The following TBCK variants were observed in gnomAD, a reference collection of about 807,000 sequenced individuals.
TBCK encodes the protein TBC domain-containing protein kinase-like protein.
A neutral mutation model predicts 113.4 loss-of-function variants in TBCK; 99 were observed. The ratio of observed to expected loss-of-function variants is 0.87; its 90% CI spans 0.74 to 1.03. The LOEUF (loss-of-function observed/expected upper bound fraction) is 1.03. Among genes scored for constraint, TBCK ranks in the 50% least tolerant of loss-of-function variants. The pLI, the probability that TBCK is intolerant of heterozygous loss-of-function variation, is 0.00. For synonymous variants in TBCK, 369 were observed against 370.8 expected (o/e 1.00, Z 0.05); for missense variants, 1,045 against 1,061.3 (o/e 0.98, Z 0.21).
chr4:106,255,964 C>A (rs984828922), intron 5 of TBCK, among the ~76,000 whole-genome samples: 11 of 152,152 alleles, frequency 7.2e-5, no homozygotes, highest in Non-Finnish European at 1.6e-4. Context: ...TAGCTTTTCC[C>A]CTCAGGTGGG....
At chr4:106,214,454 T>C (rs556061636) in intron 19 of TBCK, among the ~76,000 whole-genome samples, 2,068 of 150,954 alleles carry the variant, frequency 0.014, 54 homozygotes, top group African/African-American at 0.047. Flanking sequence ...GGCAAAGAAG[T>C]TGAAAACTTT....
intron 25 of TBCK, among the ~76,000 whole-genome samples, chr4:106,072,809 T>C (rs1336252427): frequency 6.6e-6 from 1 of 152,190 alleles, no homozygotes; most frequent in African/African-American, 2.4e-5. Context: ...TTATTCTTTT[T>C]TCTCTAAACT....
chr4:106,123,084 T>C (rs1744657716), intron 23 of TBCK, among the ~76,000 whole-genome samples: 1 of 152,206 alleles, frequency 6.6e-6, no homozygotes, highest in East Asian at 1.9e-4. Context: ...GGAAGTCACA[T>C]TGTCCCTGTT....
At chr4:106,148,488 C>T (rs569354039) in intron 23 of TBCK, among the ~76,000 whole-genome samples, 1 of 152,262 alleles carries the variant, frequency 6.6e-6, no homozygotes, top group South Asian at 2.1e-4. Context: ...GGCAGGTTCC[C>T]CAATATATTA....
At chr4:106,286,550 G>A (rs184993302) in intron 3 of TBCK, among the ~76,000 whole-genome samples, 3 of 152,262 alleles carry the variant, frequency 2.0e-5, no homozygotes, top group Admixed American at 2.0e-4. Flanking sequence ...GTTGGGGGAT[G>A]GTGGCTCATG....
At chr4:106,061,799 C>T (rs1736088526) in intron 25 of TBCK, among the ~76,000 whole-genome samples, 1 of 151,708 alleles carries the variant, frequency 6.6e-6, no homozygotes, top group African/African-American at 2.4e-5. Flanking sequence ...ATTTACAACA[C>T]TTTGCAAACG....
rs187092355 is a variant in TBCK at position 106,101,705 on chromosome 4, G to A, written c.2412-6064C>T. On this transcript the variant is annotated intron_variant, in intron 24 of 25. Transcript: ENST00000394708. Reference sequence around the variant, plus strand: ...AGTTTTACAAGTAAAGCTCAGCCTTGAGCAAAAACTCAGCCTTGATTTCAA... The same window carrying A: ...AGTTTTACAAGTAAAGCTCAGCCTTAAGCAAAAACTCAGCCTTGATTTCAA... Among the ~76,000 whole-genome samples, 359 of 152,208 alleles carry A rather than the reference G, an allele frequency of 2.4e-3. 1 individual carries two copies. Among genetic ancestry groups the A allele is most frequent in the African/African-American group, 8.4e-3 (349 of 41,538 alleles).
At chr4:106,126,980 C>T (rs149857876) in intron 23 of TBCK, among the ~76,000 whole-genome samples, 1,783 of 151,744 alleles carry the variant, frequency 0.012, 30 homozygotes, top group African/African-American at 0.04. Flanking sequence ...GAGGCCGAGG[C>T]GGGCAGATCA....
rs564414410 is a variant in TBCK, at chr4:106,209,751, C to T, written c.1860+2999G>A. 3.3e-5 allele frequency among the ~76,000 whole-genome samples: 5 copies of T among 152,178 alleles called. No homozygotes were observed. In the South Asian group the frequency reaches 1.0e-3, roughly 32 times the overall value. ...ATTTTACTAGCTTCTATTAATATCA[C>T]TAATGTTGTTCTGGTTAATTGCCTG... is the stretch of plus-strand genomic sequence containing the variant. On this transcript the variant is annotated intron_variant, in intron 20 of 25. Transcript: ENST00000394708.
rs1270303421 is a variant in TBCK at position 106,250,411 on chromosome 4, C to G, written c.658+7G>C. The G allele has an allele frequency of 6.5e-7, 1 of 1,543,924 alleles. No individual in the cohort carries two copies. Among genetic ancestry groups the G allele is most frequent in the East Asian group, 2.3e-5 (1 of 44,004 alleles). Reference sequence around the variant, plus strand: ...ATTTGAAAGATAAGCAATTGTACGACACTTACCCAAAGTAAGCAAAAATTT... The same window carrying G: ...ATTTGAAAGATAAGCAATTGTACGAGACTTACCCAAAGTAAGCAAAAATTT... On this transcript the variant is annotated splice_region_variant and intron_variant, in intron 7 of 25. Transcript: ENST00000394708.
At chr4:106,097,751 A>C (rs1426847864) in intron 24 of TBCK, among the ~76,000 whole-genome samples, 1 of 152,100 alleles carries the variant, frequency 6.6e-6, no homozygotes, top group Non-Finnish European at 1.5e-5. Flanking sequence ...TTATATTGTA[A>C]ATCTAGGTAG....
chr4:106,138,639 G>C lies in TBCK; in HGVS notation c.2236-22261C>G, dbSNP rs1746837148. On this transcript the variant is annotated intron_variant, in intron 23 of 25. Coordinates refer to ENST00000394708, the MANE Select transcript of TBCK (RefSeq NM_001163435.3). Reference sequence around the variant, plus strand: ...CACTGACTTATAAGGCAAAAACAGGGTCAAAGTGGCAATGTAGGGTGGTGT... The same window carrying C: ...CACTGACTTATAAGGCAAAAACAGGCTCAAAGTGGCAATGTAGGGTGGTGT... 1.4e-5 allele frequency among the ~76,000 whole-genome samples: 2 copies of C among 141,188 alleles called. 1 individual carries two copies. Among genetic ancestry groups the C allele is most frequent in the Admixed American group, 1.4e-4 (2 of 14,302 alleles). 92.6% of individuals were successfully genotyped at this position (141,188 alleles called of 152,430 possible).
chr4:106,216,659 T>G (rs1015765818), intron 19 of TBCK, among the ~76,000 whole-genome samples: 1 of 152,152 alleles, frequency 6.6e-6, no homozygotes, highest in African/African-American at 2.4e-5. Flanking sequence ...CTCCCAAGAC[T>G]AAACCAGGAA....
intron 22 of TBCK, among the ~76,000 whole-genome samples, chr4:106,175,571 T>C (rs1481092225): frequency 6.6e-6 from 1 of 152,072 alleles, no homozygotes. Context: ...TGTATAACTA[T>C]ATACATTCAC....
chr4:106,255,647 G>T (rs1248422044), intron 5 of TBCK, among the ~76,000 whole-genome samples: 1 of 151,672 alleles, frequency 6.6e-6, no homozygotes, highest in African/African-American at 2.4e-5. Flanking sequence ...CTAGGTCTGG[G>T]CTCCCCAAAG....
intron 19 of TBCK, among the ~76,000 whole-genome samples, chr4:106,225,163 TTTC>T (rs1209942823): frequency 3.3e-5 from 5 of 152,188 alleles, no homozygotes; most frequent in African/African-American, 1.2e-4. Context: ...AACTGTTTTT[TTTC>T]TTATGTAACA....
At chr4:106,256,753 C>T (rs1442962188) in intron 5 of TBCK, among the ~76,000 whole-genome samples, 4 of 152,160 alleles carry the variant, frequency 2.6e-5, no homozygotes, top group African/African-American at 7.2e-5. Context: ...ACACTGCAGC[C>T]GGCATCATGG....
intron 23 of TBCK, among the ~76,000 whole-genome samples, chr4:106,162,689 T>C (rs902121366): frequency 6.6e-6 from 1 of 152,160 alleles, no homozygotes. Context: ...TTTACACCCT[T>C]AGAAGCAAGG....
rs535355434 is a variant in TBCK, at chr4:106,069,659, T to C, written c.2572-22979A>G. On this transcript the variant is annotated intron_variant, in intron 25 of 25. Coordinates refer to ENST00000394708, the MANE Select transcript of TBCK (RefSeq NM_001163435.3). ...TTTTGGTTCCATATGAACTTTAAAGTAGTTTTTTCCATTCTGTGAAGAAAG... is the reference window on the plus strand; with the variant it reads ...TTTTGGTTCCATATGAACTTTAAAGCAGTTTTTTCCATTCTGTGAAGAAAG... 5.9e-5 allele frequency among the ~76,000 whole-genome samples: 9 copies of C among 152,284 alleles called. No individual in the cohort carries two copies. In the East Asian group the frequency reaches 1.7e-3, roughly 29 times the overall value.
Sources: allele counts gnomAD v4.1 joint callset (sites outside exome capture counted in the v4.1 genomes callset), GRCh38; gene constraint gnomAD v4.1.1; transcripts MANE v1.5; gene names NCBI Gene and HGNC (gene_info 2026-07-23, HGNC 2026-07-21).